Variants in NEUROD2 observed in about 807,000 individuals in gnomAD.
NEUROD2 encodes the protein neuronal differentiation 2.
A neutral mutation model predicts 9.3 loss-of-function variants in NEUROD2; 5 were observed. The observed-to-expected ratio is 0.54, with a 90% CI of 0.28 to 1.13. The LOEUF (loss-of-function observed/expected upper bound fraction) is 1.13, where lower values mean the gene tolerates loss of function less well. Ranked by LOEUF, NEUROD2 falls within the 50% of genes most tolerant of loss-of-function variation. The pLI is 0.10. For synonymous variants in NEUROD2, 277 were observed against 257.3 expected, an observed-to-expected ratio of 1.08 and a Z score of -0.73; for missense variants, 376 against 549.2, an observed-to-expected ratio of 0.68 and a Z score of 3.15.
rs2056757168 is a variant in NEUROD2 at position 39,604,369 on chromosome 17, C to T, written c.*1082G>A. 1 of 152,728 alleles carries T rather than the reference C, an allele frequency of 6.5e-6. No individual in the cohort carries two copies. Among genetic ancestry groups the T allele is most frequent in the Non-Finnish European group, 1.5e-5 (1 of 68,040 alleles). The allele number at this position is 152,728 out of a possible 1,614,324, so 9.5% of individuals were successfully genotyped here. On this transcript the variant is annotated 3_prime_UTR_variant, in exon 2 of 2. Transcript: ENST00000302584. ...TTGCCATTCCATACAAATTTGGAAA[C>T]AGGTTTTTAAAAAACAGCATGACGC...
In NEUROD2 at chr17:39,606,359, C is replaced by T. The variant is rs1402980725; in HGVS notation, c.241G>A (p.Gly81Arg). 6.4e-7 allele frequency: 1 copy of T among 1,573,174 alleles called. No homozygotes were observed. The highest frequency in any genetic ancestry group is 8.6e-7 in the Non-Finnish European group (1 of 1,162,076). The stretch of plus-strand genomic sequence containing the variant: ...TCCTCCTCTTCCTCCTCCTCCTCTC[C>T]CCCCAGCTCGCCTTCCTCCTTGACC... ...AEVKEEGELG[G>R]EEEEEEEEEE... The change falls in exon 2 of 2, where the codon GGA becomes AGA. Residue 81 changes from glycine (G) to arginine (R), a missense_variant. Transcript: ENST00000302584. This position sits in a 1 kb window ranked among gnomAD's most constrained non-coding sequence, Gnocchi z 7.8.
chr17:39,607,684 T>C (rs1597768093), intron 1 of NEUROD2, 44 bp downstream of exon 1: 1 of 966,588 alleles, frequency 1.0e-6, no homozygotes, highest in Non-Finnish European at 1.2e-6. Flanking sequence ...CCGCCCCTCC[T>C]CCCAACCGGC....
rs887313351 is a variant in NEUROD2, at chr17:39,606,700, C to T, written c.-5-96G>A. ...CCCCCCCACAACCCTCCTCCACCCC[C>T]GAGTCTCGTGCGGGCTCCTGCCTAG... On this transcript the variant is annotated intron_variant, in intron 1 of 1. Transcript: ENST00000302584. This position sits in a 1 kb window ranked among gnomAD's most constrained non-coding sequence, Gnocchi z 7.8. The T allele has an allele frequency of 1.5e-6, 2 of 1,291,580 alleles. No homozygotes were observed. Among genetic ancestry groups the T allele is most frequent in the Admixed American group, 6.3e-5 (2 of 31,592 alleles). The allele number at this position is 1,291,580 out of a possible 1,614,324, so 80.0% of individuals were successfully genotyped here.
In NEUROD2 at chr17:39,604,850, T is replaced by A. The variant is rs1486962731; in HGVS notation, c.*601A>T. 2.1e-5 allele frequency: 3 copies of A among 145,282 alleles called. No individual in the cohort carries two copies. The East Asian group carries it at 6.5e-4, about 31-fold the overall frequency. The allele number at this position is 145,282 out of a possible 1,614,324, so 9.0% of individuals were successfully genotyped here. On this transcript the variant is annotated 3_prime_UTR_variant, in exon 2 of 2. Transcript: ENST00000302584. ...GGGAAAAACGGATTCTAGTTACAAA[T>A]TGTCTTGGCCTCTCTCTTTCCTCTC...
rs975589007 is a variant in NEUROD2, at chr17:39,604,525, T to TCGGGCGGGGCGGCCCGCAGGC, written c.*905_*925dup. 4 of 150,702 alleles carry TCGGGCGGGGCGGCCCGCAGGC rather than the reference T, an allele frequency of 2.7e-5. No individual in the cohort carries two copies. The highest frequency in any genetic ancestry group is 9.8e-5 in the African/African-American group (4 of 40,838). The allele number at this position is 150,702 out of a possible 1,614,324, so 9.3% of individuals were successfully genotyped here. A position where few individuals can be genotyped will look rare whatever the true frequency, so the allele number is the denominator to read the frequency against. Reference sequence around the variant, plus strand: ...TTCACCAAAGTGCACAGATCCGCGCTCGGGCGGGGCGGCCCGCAGGCCGGG... The same window carrying TCGGGCGGGGCGGCCCGCAGGC: ...TTCACCAAAGTGCACAGATCCGCGCTCGGGCGGGGCGGCCCGCAGGCCGGGCGGGGCGGCCCGCAGGCCGGG... On this transcript the variant is annotated 3_prime_UTR_variant, in exon 2 of 2. Coordinates refer to ENST00000302584, the MANE Select transcript of NEUROD2 (RefSeq NM_006160.4).
In NEUROD2 at chr17:39,606,776, G is replaced by T; in HGVS notation, c.-5-172C>A. 1 of 638,128 alleles carries T rather than the reference G, an allele frequency of 1.6e-6. No homozygotes were observed. The highest frequency in any genetic ancestry group is 2.5e-6 in the Non-Finnish European group (1 of 403,718). The allele number at this position is 638,128 out of a possible 1,614,324, so 39.5% of individuals were successfully genotyped here. On this transcript the variant is annotated intron_variant, in intron 1 of 1. Transcript: ENST00000302584. The surrounding 1 kb of genome is among the most constrained non-coding windows in gnomAD (Gnocchi z 7.8). ...GCCTGCCCCGCCCAGAGCCGGCCCA[G>T]CCCTACCCGGCTGCCGGCCTGGGAT...
Position 39,605,563 on chromosome 17 carries a change from G to C in NEUROD2, c.1037C>G (p.Ser346Trp). The change falls in exon 2 of 2, where the codon TCG (serine) becomes TGG (tryptophan). Residue 346 changes from serine to tryptophan, a missense_variant. Ser to Trp is a radical substitution (Grantham distance 177, BLOSUM62 -3). This residue lies in a region of NEUROD2 where 193 missense variants were observed against 255.8 expected (regional missense o/e 0.75). Transcript: ENST00000302584. This position sits in a 1 kb window ranked among gnomAD's most constrained non-coding sequence, Gnocchi z 6.8. ...RPTGHGLVFG[S>W]SAVRGGVHSE... is the part of the protein sequence containing the mutation. ...GTGGACGCCCCCGCGCACAGCCGAC[G>C]AGCCGAAGACTAGCCCGTGGCCCGT... 1 of 1,613,756 alleles carries C rather than the reference G, an allele frequency of 6.2e-7. No individual in the cohort carries two copies. Among genetic ancestry groups the C allele is most frequent in the Non-Finnish European group, 8.5e-7 (1 of 1,179,902 alleles).
In NEUROD2 at chr17:39,605,831, G is replaced by T; in HGVS notation, c.769C>A (p.Leu257Met). 1 of 1,369,864 alleles carries T rather than the reference G, an allele frequency of 7.3e-7. No individual in the cohort carries two copies. The highest frequency in any genetic ancestry group is 9.4e-7 in the Non-Finnish European group (1 of 1,068,170). The allele number at this position is 1,369,864 out of a possible 1,614,324, so 84.9% of individuals were successfully genotyped here. A position where few individuals can be genotyped will look rare whatever the true frequency, so the allele number is the denominator to read the frequency against. Residue 257 changes from leucine (L) to methionine (M), a missense_variant, in exon 2 of 2, where the codon CTG becomes ATG. Physicochemically the swap from Leu to Met is conservative, Grantham distance 15. Transcript: ENST00000302584. The surrounding 1 kb of genome is among the most constrained non-coding windows in gnomAD (Gnocchi z 6.8). ...AGGGCGTGCGCCGCGCCGCCGCCCA[G>T]GCCGCCGGCCGCCTGGCACTGTGCG... ...AGAQCQAAGG[L>M]GGGAAHALRT...
chr17:39,606,680 C>A lies in NEUROD2; in HGVS notation c.-5-76G>T. ...GGCGCGCTGGGGTACCGACGCCCCCCCACAACCCTCCTCCACCCCCGAGTC... is the reference window on the plus strand; with the variant it reads ...GGCGCGCTGGGGTACCGACGCCCCCACACAACCCTCCTCCACCCCCGAGTC... On this transcript the variant is annotated intron_variant, in intron 1 of 1. Transcript: ENST00000302584. This position sits in a 1 kb window ranked among gnomAD's most constrained non-coding sequence, Gnocchi z 7.8. 1 of 1,373,344 alleles carries A rather than the reference C, an allele frequency of 7.3e-7. No individual in the cohort carries two copies. Among genetic ancestry groups the A allele is most frequent in the Non-Finnish European group, 9.5e-7 (1 of 1,047,302 alleles). 85.1% of individuals were successfully genotyped at this position (1,373,344 alleles called of 1,614,324 possible). A position where few individuals can be genotyped will look rare whatever the true frequency, so the allele number is the denominator to read the frequency against.
chr17:39,606,961 T>A lies in NEUROD2; in HGVS notation c.-5-357A>T. ...GCCAGGGGAGGCGGCGCGCTCGCCCTGAAAGCCCGTTCTCTCCTGGCGGTG... is the reference window on the plus strand; with the variant it reads ...GCCAGGGGAGGCGGCGCGCTCGCCCAGAAAGCCCGTTCTCTCCTGGCGGTG... On this transcript the variant is annotated intron_variant, in intron 1 of 1. Coordinates refer to ENST00000302584, the MANE Select transcript of NEUROD2 (RefSeq NM_006160.4). This position sits in a 1 kb window ranked among gnomAD's most constrained non-coding sequence, Gnocchi z 7.8. 3 of 206,524 alleles carry A rather than the reference T, an allele frequency of 1.5e-5. No individual in the cohort carries two copies. Among genetic ancestry groups the A allele is most frequent in the Middle Eastern group, 1.6e-3 (1 of 610 alleles). 12.8% of individuals were successfully genotyped at this position (206,524 alleles called of 1,614,324 possible).
At chr17:39,607,676 G>A (rs116950586) in intron 1 of NEUROD2, 52 bp downstream of exon 1, 65,014 of 978,258 alleles carry the variant, frequency 0.066, 2,357 homozygotes, top group Non-Finnish European at 0.072. Flanking sequence ...CGAAGCTGCC[G>A]CCCCTCCTCC....
At chr17:39,607,314 C>T (rs975148102) in intron 1 of NEUROD2, 1 of 152,232 alleles carries the variant, frequency 6.6e-6, no homozygotes, top group Non-Finnish European at 1.5e-5. Flanking sequence ...GGACCCCCTT[C>T]CCCCTTCAAG....
rs766704831 is a variant in NEUROD2, at chr17:39,606,309, C to T, written c.291G>A (p.Glu97=). 1 of 1,604,180 alleles carries T rather than the reference C, an allele frequency of 6.2e-7. No individual in the cohort carries two copies. ...EEEEEGLDEA[E]GERPKKRGPK... Reference sequence around the variant, plus strand: ...GCCCGCGCTTCTTGGGCCGCTCGCCCTCCGCCTCGTCCAGTCCTTCTTCCT... The same window carrying T: ...GCCCGCGCTTCTTGGGCCGCTCGCCTTCCGCCTCGTCCAGTCCTTCTTCCT... Residue 97 remains glutamate, a synonymous_variant, in exon 2 of 2, where the codon GAG becomes GAA. Coordinates refer to ENST00000302584, the MANE Select transcript of NEUROD2 (RefSeq NM_006160.4). This position sits in a 1 kb window ranked among gnomAD's most constrained non-coding sequence, Gnocchi z 7.8.
At position 39,605,968 on chromosome 17, in the gene NEUROD2, T is replaced by G; in HGVS notation, c.632A>C (p.Asn211Thr). 1 of 1,612,722 alleles carries G rather than the reference T, an allele frequency of 6.2e-7. No homozygotes were observed. The highest frequency in any genetic ancestry group is 2.2e-5 in the East Asian group (1 of 44,768). ...TNLVAGCLQL[N>T]SRNFLTEQGA... The stretch of plus-strand genomic sequence containing the variant: ...TTGCTCCGTGAGGAAGTTGCGAGAG[T>G]TGAGCTGCAGACAGCCGGCCACCAG... Residue 211 changes from asparagine (N) to threonine (T), a missense_variant, in exon 2 of 2, where the codon AAC becomes ACC. Physicochemically the swap from Asn to Thr is moderately conservative, Grantham distance 65 (BLOSUM62 0). This residue lies in a region of NEUROD2 where 193 missense variants were observed against 255.8 expected (regional missense o/e 0.75). Transcript: ENST00000302584. This position sits in a 1 kb window ranked among gnomAD's most constrained non-coding sequence, Gnocchi z 6.8.
Position 39,606,430 on chromosome 17 carries a change from G to C in NEUROD2, c.170C>G (p.Pro57Arg). 1 of 1,523,548 alleles carries C rather than the reference G, an allele frequency of 6.6e-7. No individual in the cohort carries two copies. Among genetic ancestry groups the C allele is most frequent in the Non-Finnish European group, 8.8e-7 (1 of 1,140,098 alleles). 94.4% of individuals were successfully genotyped at this position (1,523,548 alleles called of 1,614,324 possible). ...CCCCTCTTCTCCACGGAGAGGGACT[G>C]GCTTGGCCGCCCGGGCTGGCCCCGG... ...GAPGPARAAK[P>R]VPLRGEEGTE... The change falls in exon 2 of 2, where the codon CCA (proline) becomes CGA (arginine). Residue 57 changes from proline to arginine, a missense_variant. By Grantham distance (103) the Pro-to-Arg change is moderately radical. Around this residue, in one of 3 missense-constraint regions of NEUROD2, gnomAD observed 134 missense variants for 133.6 expected, o/e 1.00. Transcript: ENST00000302584. This position sits in a 1 kb window ranked among gnomAD's most constrained non-coding sequence, Gnocchi z 7.8.
chr17:39,606,040 G>A lies in NEUROD2; in HGVS notation c.560C>T (p.Ser187Phe). The part of the protein sequence containing the change: ...LRSGKRPDLV[S>F]YVQTLCKGLS... ...ACCCTTGCACAGAGTCTGCACGTAG[G>A]ACACTAGGTCTGGCCGCTTGCCGGA... Residue 187 changes from serine (S) to phenylalanine (F), a missense_variant, in exon 2 of 2, where the codon TCC becomes TTC. This residue lies in a region of NEUROD2 where 49 missense variants were observed against 159.8 expected (regional missense o/e 0.31). Coordinates refer to ENST00000302584, the MANE Select transcript of NEUROD2 (RefSeq NM_006160.4). This position sits in a 1 kb window ranked among gnomAD's most constrained non-coding sequence, Gnocchi z 7.8. The A allele has an allele frequency of 6.2e-7, 1 of 1,614,084 alleles. No individual in the cohort carries two copies.
intron 1 of NEUROD2, chr17:39,607,043 C>G (rs1159197106): frequency 6.3e-6 from 1 of 157,808 alleles, no homozygotes; most frequent in Non-Finnish European, 1.4e-5. Flanking sequence ...GCTCTCGCGG[C>G]CCGGGCCCCC....
At position 39,604,458 on chromosome 17, in the gene NEUROD2, G is replaced by C. The variant is rs2056757573; in HGVS notation, c.*993C>G. ...GCCCCAAATCTCCGAGTCACTGATT[G>C]TAAGAACCTGGGGAGGGGGAGGGGG... On this transcript the variant is annotated 3_prime_UTR_variant, in exon 2 of 2. Coordinates refer to ENST00000302584, the MANE Select transcript of NEUROD2 (RefSeq NM_006160.4). The C allele has an allele frequency of 6.6e-6, 1 of 151,934 alleles. No homozygotes were observed. Among genetic ancestry groups the C allele is most frequent in the Non-Finnish European group, 1.5e-5 (1 of 67,906 alleles). 9.4% of individuals were successfully genotyped at this position (151,934 alleles called of 1,614,324 possible). A position where few individuals can be genotyped will look rare whatever the true frequency, so the allele number is the denominator to read the frequency against.
rs2056757183 is a variant in NEUROD2 at position 39,604,370 on chromosome 17, A to C, written c.*1081T>G. 6.6e-6 allele frequency: 1 copy of C among 152,598 alleles called. No individual in the cohort carries two copies. Among genetic ancestry groups the C allele is most frequent in the South Asian group, 2.1e-4 (1 of 4,832 alleles). 9.5% of individuals were successfully genotyped at this position (152,598 alleles called of 1,614,324 possible). ...TGCCATTCCATACAAATTTGGAAAC[A>C]GGTTTTTAAAAAACAGCATGACGCA... is the stretch of plus-strand genomic sequence containing the variant. On this transcript the variant is annotated 3_prime_UTR_variant, in exon 2 of 2. Coordinates refer to ENST00000302584, the MANE Select transcript of NEUROD2 (RefSeq NM_006160.4).
Sources: gnomAD v4.1 joint callset for allele counts on GRCh38, gnomAD v4.1.1 for gene constraint, gnomAD v4.1.1 regional missense constraint, Gnocchi (gnomAD v3.1) non-coding constraint, MANE v1.5 for transcripts, NCBI Gene and HGNC (gene_info 2026-07-23, HGNC 2026-07-21) for gene names.